LRRC4C: variants seen among roughly 807,000 people sequenced by gnomAD.
LRRC4C encodes the protein leucine rich repeat containing 4C.
A neutral mutation model predicts 33.6 loss-of-function variants in LRRC4C; 5 were observed. The observed-to-expected ratio is 0.15, with a 90% confidence interval of 0.08 to 0.31. The LOEUF (loss-of-function observed/expected upper bound fraction) is 0.31, where lower values mean the gene tolerates loss of function less well. Ranked by LOEUF, LRRC4C falls within the 10% of genes least tolerant of loss-of-function variation. The probability of loss-of-function intolerance (pLI) is 1.00; values close to 1 mark genes in which losing one functional copy is unlikely to be tolerated. For missense variants in LRRC4C, 560 were observed against 796.7 expected, an observed-to-expected ratio of 0.70 and a Z score of 3.58; for synonymous variants, 329 against 302.0, an observed-to-expected ratio of 1.09 and a Z score of -0.93.
intron 1 of LRRC4C, among the ~76,000 whole-genome samples, chr11:40,960,781 A>G (rs189792469): frequency 4.5e-4 from 69 of 151,844 alleles, no homozygotes; most frequent in African/African-American, 1.5e-3. Context: ...AAATTAAAAG[A>G]GAAAGAGAAG....
intron 3 of LRRC4C, among the ~76,000 whole-genome samples, chr11:40,534,711 G>A (rs1956402446): frequency 5.3e-5 from 8 of 152,160 alleles, no homozygotes; most frequent in Admixed American, 5.2e-4. Flanking sequence ...GCTCAGAAAT[G>A]TCCCTTCGTA....
intron 1 of LRRC4C, among the ~76,000 whole-genome samples, chr11:40,935,396 A>G (rs1212279034): frequency 1.3e-5 from 2 of 152,182 alleles, no homozygotes; most frequent in African/African-American, 4.8e-5. Flanking sequence ...TCTGCTTAAT[A>G]TAGTCATACA....
chr11:41,282,615 G>A (rs1366179528), intron 1 of LRRC4C, among the ~76,000 whole-genome samples: 3 of 152,260 alleles, frequency 2.0e-5, no homozygotes, highest in Admixed American at 6.5e-5. Flanking sequence ...ATGTCTGCCC[G>A]GGGTGTGGAT....
chr11:41,172,562 T>A (rs1945022342), intron 1 of LRRC4C, among the ~76,000 whole-genome samples: 1 of 152,182 alleles, frequency 6.6e-6, no homozygotes, highest in South Asian at 2.1e-4. Flanking sequence ...CTTCCTTTTA[T>A]ATGCTCACAC....
At chr11:41,152,641 A>G (rs1325902385) in intron 1 of LRRC4C, among the ~76,000 whole-genome samples, 1 of 152,202 alleles carries the variant, frequency 6.6e-6, no homozygotes, top group Non-Finnish European at 1.5e-5. Context: ...TATGTCCCTA[A>G]ATATCTTCAA....
At chr11:40,416,732 T>C (rs1950337270) in intron 3 of LRRC4C, among the ~76,000 whole-genome samples, 2 of 152,056 alleles carry the variant, frequency 1.3e-5, no homozygotes, top group South Asian at 2.1e-4. Flanking sequence ...GACAAGAAAA[T>C]AGGGAATTAA....
intron 3 of LRRC4C, among the ~76,000 whole-genome samples, chr11:40,551,160 A>G (rs888126307): frequency 6.6e-6 from 1 of 152,060 alleles, no homozygotes; most frequent in Non-Finnish European, 1.5e-5. Flanking sequence ...CAAATGTGTT[A>G]TCTGATTTTA....
intron 3 of LRRC4C, among the ~76,000 whole-genome samples, chr11:40,523,817 T>C (rs976572152): frequency 2.6e-5 from 4 of 152,078 alleles, no homozygotes; most frequent in Non-Finnish European, 4.4e-5. Flanking sequence ...ACTTGTTTGG[T>C]TGGAATTATT....
At chr11:41,209,073 AAG>A (rs1590939218) in intron 1 of LRRC4C, among the ~76,000 whole-genome samples, 2 of 151,846 alleles carry the variant, frequency 1.3e-5, no homozygotes, top group East Asian at 3.9e-4. Context: ...GAGGTTCAGA[AAG>A]AAAAAAAAAA....
chr11:40,498,221 T>G (rs1296687382), intron 3 of LRRC4C, among the ~76,000 whole-genome samples: 5 of 152,154 alleles, frequency 3.3e-5, no homozygotes, highest in Non-Finnish European at 5.9e-5. Flanking sequence ...AAATAATATG[T>G]AGAGTTAGGC....
At chr11:40,206,940 CTA>C (rs1863203029) in intron 5 of LRRC4C, among the ~76,000 whole-genome samples, 1 of 152,006 alleles carries the variant, frequency 6.6e-6, no homozygotes, top group Non-Finnish European at 1.5e-5. Flanking sequence ...GAAGGGGACA[CTA>C]TGCACACTCA....
intron 3 of LRRC4C, among the ~76,000 whole-genome samples, chr11:40,582,671 C>A (rs1399855031): frequency 6.6e-6 from 1 of 151,964 alleles, no homozygotes; most frequent in African/African-American, 2.4e-5. Context: ...TACACGCCAC[C>A]ATGCCTGACT....
At chr11:40,898,828 G>A (rs1565181685) in intron 2 of LRRC4C, among the ~76,000 whole-genome samples, 1 of 151,674 alleles carries the variant, frequency 6.6e-6, no homozygotes, top group Non-Finnish European at 1.5e-5. Context: ...ATTTTAAGCA[G>A]TAATAGGGTC....
chr11:41,215,023 T>C (rs574064175), intron 1 of LRRC4C, among the ~76,000 whole-genome samples: 1 of 136,752 alleles, frequency 7.3e-6, no homozygotes, highest in African/African-American at 2.9e-5. Context: ...TGTATATATA[T>C]ATATATATAT....
At chr11:40,786,463 T>C (rs1026852552) in intron 2 of LRRC4C, among the ~76,000 whole-genome samples, 2 of 152,182 alleles carry the variant, frequency 1.3e-5, no homozygotes, top group Admixed American at 6.5e-5. Flanking sequence ...TAGCTGATGC[T>C]TGAAGTCCCT....
intron 3 of LRRC4C, among the ~76,000 whole-genome samples, chr11:40,355,075 G>A (rs1565306494): frequency 6.6e-6 from 1 of 152,064 alleles, no homozygotes; most frequent in Non-Finnish European, 1.5e-5. Flanking sequence ...GCCAGGACTG[G>A]GCCCTTCTTT....
intron 1 of LRRC4C, among the ~76,000 whole-genome samples, chr11:41,023,283 G>A (rs562803430): frequency 2.6e-5 from 4 of 151,752 alleles, no homozygotes; most frequent in Non-Finnish European, 5.9e-5. Flanking sequence ...TTGTTATATT[G>A]GTCAAATCAA....
chr11:40,116,405 C>A, intron 6 of LRRC4C, 71 bp from the exon 7 acceptor site: 1 of 1,448,642 alleles, frequency 6.9e-7, no homozygotes, highest in African/African-American at 1.4e-5. Flanking sequence ...GGAGTAATGT[C>A]GGTGATATAG....
chr11:41,253,720 A>G (rs915928181), intron 1 of LRRC4C, among the ~76,000 whole-genome samples: 2 of 152,142 alleles, frequency 1.3e-5, no homozygotes, highest in African/African-American at 4.8e-5. Context: ...GTAATATCTT[A>G]TGATTCTAAG....
Sources: allele counts gnomAD v4.1 joint callset (sites outside exome capture counted in the v4.1 genomes callset), GRCh38; gene constraint gnomAD v4.1.1; transcripts MANE v1.5; gene names NCBI Gene and HGNC (gene_info 2026-07-23, HGNC 2026-07-21).